Variants in MYNN observed in about 807,000 individuals in gnomAD.
The protein encoded by MYNN is zinc finger and BTB domain-containing protein 31.
In MYNN, 22 loss-of-function variants were observed where a neutral mutation model predicts 57.2. That is an observed-to-expected ratio of 0.38 (90% CI 0.27 to 0.55). The LOEUF (loss-of-function observed/expected upper bound fraction) is 0.55. Among genes scored for constraint, MYNN ranks in the 20% least tolerant of loss-of-function variants. The pLI, the probability that MYNN is intolerant of heterozygous loss-of-function variation, is 0.71. For synonymous variants in MYNN, 241 were observed against 257.1 expected (o/e 0.94, Z 0.60); for missense variants, 566 against 723.1 (o/e 0.78, Z 2.49).
rs758324643 is a variant in MYNN, at chr3:169,784,687, CACAAA to C, written c.1556_1560del (p.Thr519SerfsTer7). On this transcript the variant is annotated frameshift_variant, in exon 7 of 8. Coordinates refer to ENST00000349841, the MANE Select transcript of MYNN (RefSeq NM_018657.5). LOFTEE classifies it high-confidence loss of function. ...CACAGATATTAAAAATTTAAAGAAG[CACAAA>C]ACAAAAGTCCATTCTGGTAAATGCT... is the stretch of plus-strand genomic sequence containing the variant. 1.9e-6 allele frequency: 3 copies of C among 1,577,058 alleles called. No individual in the cohort carries two copies. Among genetic ancestry groups the C allele is most frequent in the Non-Finnish European group, 2.6e-6 (3 of 1,162,236 alleles).
At chr3:169,776,029 TTA>T (rs565016343) in intron 2 of MYNN, among the ~76,000 whole-genome samples, 73 of 152,358 alleles carry the variant, frequency 4.8e-4, no homozygotes, top group African/African-American at 1.6e-3. Context: ...AGTGAGTTCT[TTA>T]TAAGTTGATT....
intron 7 of MYNN, among the ~76,000 whole-genome samples, chr3:169,785,796 C>T (rs1020314189): frequency 5.3e-5 from 8 of 151,998 alleles, no homozygotes; most frequent in Non-Finnish European, 7.4e-5. Flanking sequence ...TTTAGAGTAA[C>T]GGAAGCATGT....
chr3:169,779,843 A>C (rs1778457904), intron 3 of MYNN: 1 of 389,976 alleles, frequency 2.6e-6, no homozygotes, highest in Non-Finnish European at 4.6e-6. Context: ...AAAGACATTA[A>C]AACTGATAAA....
At chr3:169,775,582 T>G (rs1406058033) in intron 2 of MYNN, among the ~76,000 whole-genome samples, 1 of 152,200 alleles carries the variant, frequency 6.6e-6, no homozygotes, top group Non-Finnish European at 1.5e-5. Context: ...ACCTTGAGGC[T>G]AAATAAGGTT....
chr3:169,781,974 A>G (rs1311784374), intron 4 of MYNN, among the ~76,000 whole-genome samples: 2 of 152,154 alleles, frequency 1.3e-5, no homozygotes, highest in Admixed American at 6.5e-5. Context: ...AGTGAGAAAC[A>G]TGGATGATGT....
Position 169,779,326 on chromosome 3 carries a change from T to C in MYNN, c.825T>C (p.Ser275=). 6.2e-7 allele frequency: 1 copy of C among 1,614,190 alleles called. No homozygotes were observed. The highest frequency in any genetic ancestry group is 8.5e-7 in the Non-Finnish European group (1 of 1,180,054). ...GTGCTCTGAAAGAACACTCTATGTC[T>C]AATATAGCCAGCGTCAAGAGTCCTT... ...PNCALKEHSM[S]NIASVKSPYE... is the part of the protein sequence containing the mutation. Residue 275 remains serine, a synonymous_variant, in exon 3 of 8, where the codon TCT becomes TCC. Coordinates refer to ENST00000349841, the MANE Select transcript of MYNN (RefSeq NM_018657.5).
chr3:169,789,346 GT>G lies in MYNN; in HGVS notation c.*2675del, dbSNP rs1004309014. 1.3e-4 allele frequency: 20 copies of G among 152,072 alleles called. 1 individual carries two copies. The highest frequency in any genetic ancestry group is 5.8e-4 in the East Asian group (3 of 5,196). The allele number at this position is 152,072 out of a possible 1,614,324, so 9.4% of individuals were successfully genotyped here. The stretch of plus-strand genomic sequence containing the variant: ...TAGTTGAAATAATGTACATGTACTA[GT>G]TTTTTTAAGTATTCTAAATAGTTCT... On this transcript the variant is annotated 3_prime_UTR_variant, in exon 8 of 8. Transcript: ENST00000349841.
chr3:169,779,620 T>A (rs1778452020), intron 3 of MYNN, 59 bp downstream of exon 3: 10 of 1,511,060 alleles, frequency 6.6e-6, no homozygotes, highest in African/African-American at 1.4e-5. Context: ...AGTGTATTTT[T>A]ATAGAGAGTA....
chr3:169,786,776 G>A lies in MYNN; in HGVS notation c.*98G>A, dbSNP rs768082001. 1.4e-4 allele frequency: 180 copies of A among 1,268,024 alleles called. No individual in the cohort carries two copies. The highest frequency in any genetic ancestry group is 1.9e-4 in the Non-Finnish European group (176 of 923,952). The allele number at this position is 1,268,024 out of a possible 1,614,324, so 78.5% of individuals were successfully genotyped here. On this transcript the variant is annotated 3_prime_UTR_variant, in exon 8 of 8. Transcript: ENST00000349841. The stretch of plus-strand genomic sequence containing the variant: ...TTAAATTCCCATTCATTTGAGTTGT[G>A]ACCATTATTTTTCATTCACTGAAGT...
chr3:169,780,610 GA>G lies in MYNN; in HGVS notation c.1083del (p.Glu361AspfsTer13). On this transcript the variant is annotated frameshift_variant, in exon 4 of 8. Coordinates refer to ENST00000349841, the MANE Select transcript of MYNN (RefSeq NM_018657.5). LOFTEE classifies it high-confidence loss of function. The part of the protein sequence containing the change: ...THTGEKPYKC[E>X]LCDKGFAQKC... ...TTTAGGTGAGAAGCCATACAAATGT[GA>G]ATTGTGTGATAAAGGATTTGCTCAG... The G allele has an allele frequency of 6.2e-7, 1 of 1,605,632 alleles. No individual in the cohort carries two copies. Among genetic ancestry groups the G allele is most frequent in the Middle Eastern group, 1.7e-4 (1 of 6,022 alleles).
In MYNN at chr3:169,778,927, T is replaced by C; in HGVS notation, c.426T>C (p.Thr142=). 1 of 1,614,032 alleles carries C rather than the reference T, an allele frequency of 6.2e-7. No homozygotes were observed. The highest frequency in any genetic ancestry group is 1.1e-5 in the South Asian group (1 of 91,070). Residue 142 remains threonine (T), a synonymous_variant, in exon 3 of 8, where the codon ACT becomes ACC. Transcript: ENST00000349841. The part of the protein sequence containing the change: ...ITGNIELNQQ[T]CLLTLRDYNN... The stretch of plus-strand genomic sequence containing the variant: ...GAAACATTGAATTGAATCAACAGAC[T>C]TGTCTTCTTACTCTGCGAGATTATA...
intron 5 of MYNN, 23 bp from the exon 6 acceptor site, chr3:169,783,454 G>A (rs375193685): frequency 6.1e-5 from 86 of 1,409,380 alleles, no homozygotes; most frequent in Non-Finnish European, 7.5e-5. Context: ...ACACCACTTC[G>A]CTATCTTTTA....
rs763965351 is a variant in MYNN, at chr3:169,774,503, G to C, written c.208G>C (p.Ala70Pro). The C allele has an allele frequency of 6.2e-7, 1 of 1,613,968 alleles. No individual in the cohort carries two copies. The highest frequency in any genetic ancestry group is 8.5e-7 in the Non-Finnish European group (1 of 1,179,900). ...NVFLDQSQVK[A>P]DGFQKLLEFI... is the part of the protein sequence containing the mutation. ...CTTTCTTGATCAGAGTCAGGTGAAG[G>C]CTGATGGATTTCAGAAACTGTTGGA... The change falls in exon 2 of 8, where the codon GCT becomes CCT. Residue 70 changes from alanine (A) to proline (P), a missense_variant. Ala to Pro is a conservative substitution (Grantham distance 27). This residue lies in a region of MYNN where 261 missense variants were observed against 280.8 expected (regional missense o/e 0.93). Coordinates refer to ENST00000349841, the MANE Select transcript of MYNN (RefSeq NM_018657.5).
chr3:169,781,107 G>C (rs1778499707), intron 4 of MYNN, among the ~76,000 whole-genome samples: 1 of 152,090 alleles, frequency 6.6e-6, no homozygotes, highest in Non-Finnish European at 1.5e-5. Flanking sequence ...GGTGGCAGCA[G>C]TGAAAGAAAT....
At position 169,779,541 on chromosome 3, in the gene MYNN, C is replaced by T. The variant is rs530715265; in HGVS notation, c.1040C>T (p.Thr347Met). The T allele has an allele frequency of 3.7e-6, 6 of 1,613,926 alleles. No individual in the cohort carries two copies. The highest frequency in any genetic ancestry group is 2.2e-5 in the South Asian group (2 of 91,068). The change falls in exon 3 of 8, where the codon ACG becomes ATG. Residue 347 changes from threonine (T) to methionine (M), a missense_variant. By Grantham distance (81) the Thr-to-Met change is moderately conservative. This residue lies in a region of MYNN where 123 missense variants were observed against 222.6 expected (regional missense o/e 0.55). Transcript: ENST00000349841. The part of the protein sequence containing the change: ...KAFTQCNQLK[T>M]HVRTHTGEKP... ...TTTACCCAATGTAACCAGCTGAAAA[C>T]GCATGTAAGAACTCATACAGGTGAG...
At chr3:169,784,554 A>G (rs1268131054) in intron 6 of MYNN, 68 bp from the exon 7 acceptor site, 3 of 1,038,536 alleles carry the variant, frequency 2.9e-6, no homozygotes, top group Non-Finnish European at 2.9e-6. Context: ...GTTCATAAAC[A>G]TTGATATTTT....
chr3:169,776,258 C>T (rs189202294), intron 2 of MYNN, among the ~76,000 whole-genome samples: 112 of 152,242 alleles, frequency 7.4e-4, no homozygotes, highest in Admixed American at 3.1e-3. Flanking sequence ...GCTAATTCCT[C>T]GAGTTCAGCT....
In MYNN at chr3:169,786,638, A is replaced by G. The variant is rs1041837417; in HGVS notation, c.1793A>G (p.Tyr598Cys). Residue 598 changes from tyrosine (Y) to cysteine (C), a missense_variant, in exon 8 of 8, where the codon TAT becomes TGT. By Grantham distance (194) the Tyr-to-Cys change is radical. Coordinates refer to ENST00000349841, the MANE Select transcript of MYNN (RefSeq NM_018657.5). Reference protein sequence around the residue: ...DTLLRSTVNGYSEPQLIFLQQ... With the variant: ...DTLLRSTVNGCSEPQLIFLQQ... ...TTGTTGAGGTCAACTGTGAATGGGT[A>G]TTCAGAACCACAGTTGATTTTTTTA... 6.2e-7 allele frequency: 1 copy of G among 1,613,386 alleles called. No individual in the cohort carries two copies. The highest frequency in any genetic ancestry group is 1.1e-5 in the South Asian group (1 of 91,062).
chr3:169,779,612 T>C (rs1778451843), intron 3 of MYNN, 51 bp downstream of exon 3: 1 of 1,538,462 alleles, frequency 6.5e-7, no homozygotes, highest in East Asian at 2.3e-5. Context: ...ACTAATATAG[T>C]GTATTTTTAT....
Sources: allele counts gnomAD v4.1 joint callset (sites outside exome capture counted in the v4.1 genomes callset), GRCh38; gene constraint gnomAD v4.1.1; regional missense constraint gnomAD v4.1.1; transcripts MANE v1.5; gene names NCBI Gene and HGNC (gene_info 2026-07-23, HGNC 2026-07-21).